PTPRD: variants seen among roughly 807,000 people sequenced by gnomAD.
PTPRD encodes the protein protein tyrosine phosphatase receptor type D.
Under a neutral mutation model 214.5 loss-of-function variants are expected in PTPRD, and 34 were observed. That is an observed-to-expected ratio of 0.16 (90% CI 0.12 to 0.21). PTPRD has a LOEUF of 0.21. Among genes scored for constraint, PTPRD ranks in the 10% least tolerant of loss-of-function variants. PTPRD has a pLI of 1.00. For missense variants in PTPRD, 2,545 were observed against 2,398.7 expected (o/e 1.06, Z -1.27); for synonymous variants, 1,128 against 845.7 (o/e 1.33, Z -5.79).
At chr9:8,533,494 C>T (rs540814325) in intron 14 of PTPRD, among the ~76,000 whole-genome samples, 2 of 152,124 alleles carry the variant, frequency 1.3e-5, no homozygotes, top group African/African-American at 4.8e-5. Context: ...TATACCTGAA[C>T]ACTTAGATAT....
At chr9:9,283,314 A>G (rs945788302) in intron 9 of PTPRD, among the ~76,000 whole-genome samples, 1 of 151,500 alleles carries the variant, frequency 6.6e-6, no homozygotes, top group African/African-American at 2.4e-5. Flanking sequence ...TAGATAACCC[A>G]CATTCAGAAT....
chr9:9,943,124 C>T (rs774413236), intron 4 of PTPRD, among the ~76,000 whole-genome samples: 2 of 152,120 alleles, frequency 1.3e-5, no homozygotes, highest in Admixed American at 1.3e-4. Flanking sequence ...TATCGTAGTA[C>T]AATCAAACTC....
intron 3 of PTPRD, among the ~76,000 whole-genome samples, chr9:10,318,380 A>G (rs1469740222): frequency 6.6e-6 from 1 of 152,016 alleles, no homozygotes; most frequent in Non-Finnish European, 1.5e-5. Flanking sequence ...ACCATAATAT[A>G]GTTACTTCAC....
rs566301271 is a variant in PTPRD at position 10,047,174 on chromosome 9, A to G, written c.-544-13384T>C. ...GTGAACATAAAATTACAATGTTTGA[A>G]GACTACAATATGAAGGAGTGGCACT... On this transcript the variant is annotated intron_variant, in intron 3 of 45. Transcript: ENST00000381196. 6.6e-5 allele frequency among the ~76,000 whole-genome samples: 10 copies of G among 152,104 alleles called. 1 individual carries two copies. In the South Asian group the frequency reaches 2.1e-3, roughly 32 times the overall value.
Position 8,328,299 on chromosome 9 carries a change from A to T in PTPRD, c.5534+3283T>A, listed in dbSNP as rs533496504. The stretch of plus-strand genomic sequence containing the variant: ...TGAAGCTTAGTTTGGCTGGATATGA[A>T]ATTCTGGGTTGAAAAGTCTTTTCTT... On this transcript the variant is annotated intron_variant, in intron 44 of 45. Transcript: ENST00000381196. Among the ~76,000 whole-genome samples the T allele has an allele frequency of 7.9e-4, 120 of 152,220 alleles. 1 individual carries two copies. Among genetic ancestry groups the T allele is most frequent in the African/African-American group, 2.6e-3 (110 of 41,524 alleles).
intron 14 of PTPRD, among the ~76,000 whole-genome samples, chr9:8,559,591 G>A (rs1481785471): frequency 6.6e-6 from 1 of 152,188 alleles, no homozygotes. Context: ...TCAAGGATGA[G>A]AAGCCCAACA....
chr9:9,231,004 T>C (rs905752243), intron 9 of PTPRD, among the ~76,000 whole-genome samples: 1 of 151,826 alleles, frequency 6.6e-6, no homozygotes, highest in African/African-American at 2.4e-5. Flanking sequence ...CCAAGTGAGC[T>C]GAAACTTGAA....
chr9:9,407,663 T>C (rs2073979819), intron 8 of PTPRD, among the ~76,000 whole-genome samples: 1 of 151,804 alleles, frequency 6.6e-6, no homozygotes, highest in Non-Finnish European at 1.5e-5. Context: ...CTCTGTAGTC[T>C]TCACGCTGCT....
chr9:9,048,883 A>T (rs968298039), intron 10 of PTPRD, among the ~76,000 whole-genome samples: 3 of 152,176 alleles, frequency 2.0e-5, no homozygotes, highest in African/African-American at 7.2e-5. Flanking sequence ...TGATGTGATT[A>T]TTACACATTG....
At chr9:9,440,391 A>T (rs2087088544) in intron 8 of PTPRD, among the ~76,000 whole-genome samples, 1 of 152,224 alleles carries the variant, frequency 6.6e-6, no homozygotes, top group Non-Finnish European at 1.5e-5. Context: ...TCAAATTGTT[A>T]AATGCAAAAG....
chr9:9,227,675 TTA>T (rs1336491685), intron 9 of PTPRD, among the ~76,000 whole-genome samples: 1 of 152,116 alleles, frequency 6.6e-6, no homozygotes, highest in Non-Finnish European at 1.5e-5. Context: ...CTTGAATTAC[TTA>T]TCTGGGGGAA....
At chr9:8,847,095 G>A (rs891203852) in intron 11 of PTPRD, among the ~76,000 whole-genome samples, 8 of 151,938 alleles carry the variant, frequency 5.3e-5, no homozygotes, top group African/African-American at 9.7e-5. Context: ...TGGTATCCTC[G>A]ATATAATACA....
intron 11 of PTPRD, among the ~76,000 whole-genome samples, chr9:9,013,447 T>A (rs1190608956): frequency 6.6e-6 from 1 of 152,190 alleles, no homozygotes; most frequent in Non-Finnish European, 1.5e-5. Flanking sequence ...GAACCTTACT[T>A]CTATGTTTGG....
At chr9:8,889,152 C>A (rs759584790) in intron 11 of PTPRD, among the ~76,000 whole-genome samples, 1 of 152,076 alleles carries the variant, frequency 6.6e-6, no homozygotes, top group Non-Finnish European at 1.5e-5. Flanking sequence ...GAGGAGAAAG[C>A]TTTAGTCTAG....
chr9:9,397,355 T>C (rs1300960530), intron 9 of PTPRD, 94 bp downstream of exon 9: 5 of 152,360 alleles, frequency 3.3e-5, no homozygotes, highest in African/African-American at 1.2e-4. Flanking sequence ...ATTCAAAGAA[T>C]TTTAACCAAA....
At chr9:9,018,912 A>C (rs2072034379) in intron 10 of PTPRD, among the ~76,000 whole-genome samples, 177 bp from the exon 11 acceptor site, 1 of 152,202 alleles carries the variant, frequency 6.6e-6, no homozygotes. Context: ...GTAAAAAAGC[A>C]ACTTAAAATG....
At chr9:9,748,727 C>T (rs748917288) in intron 6 of PTPRD, among the ~76,000 whole-genome samples, 1 of 152,132 alleles carries the variant, frequency 6.6e-6, no homozygotes, top group African/African-American at 2.4e-5. Flanking sequence ...TTTCTTTGGC[C>T]TTTAACTTAC....
At chr9:8,806,348 A>G (rs1206945983) in intron 11 of PTPRD, among the ~76,000 whole-genome samples, 2 of 152,272 alleles carry the variant, frequency 1.3e-5, no homozygotes, top group African/African-American at 4.8e-5. Context: ...AAATGCTGAC[A>G]TCACCAGTAA....
intron 3 of PTPRD, among the ~76,000 whole-genome samples, chr9:10,187,417 G>C (rs924461266): frequency 3.3e-5 from 5 of 152,020 alleles, no homozygotes; most frequent in African/African-American, 7.3e-5. Flanking sequence ...CATCATTTAG[G>C]CATTTGCACA....
Sources: gnomAD v4.1 joint callset for allele counts (sites outside exome capture counted in the v4.1 genomes callset) on GRCh38, gnomAD v4.1.1 for gene constraint, MANE v1.5 for transcripts, NCBI Gene and HGNC (gene_info 2026-07-23, HGNC 2026-07-21) for gene names.